Variants in ZC3H14 observed in about 807,000 individuals in gnomAD.
The protein encoded by ZC3H14 is zinc finger CCCH domain-containing protein 14.
Under a neutral mutation model 92.4 loss-of-function variants are expected in ZC3H14, and 31 were observed. The observed-to-expected ratio is 0.34, with a 90% CI of 0.25 to 0.45. The LOEUF (loss-of-function observed/expected upper bound fraction) is 0.45. Among genes scored for constraint, ZC3H14 ranks in the 20% least tolerant of loss-of-function variants. The probability of loss-of-function intolerance (pLI) is 1.00; values close to 1 mark genes in which losing one functional copy is unlikely to be tolerated. For missense variants in ZC3H14, 781 were observed against 897.3 expected (o/e 0.87, Z 1.66); for synonymous variants, 321 against 300.9 (o/e 1.07, Z -0.69).
At position 88,614,216 on chromosome 14, in the gene ZC3H14, TTTAA is replaced by T. The variant is rs2087252182; in HGVS notation, c.*2468_*2471del. 1 of 152,212 alleles carries T rather than the reference TTTAA, an allele frequency of 6.6e-6. No individual in the cohort carries two copies. The highest frequency in any genetic ancestry group is 2.4e-5 in the African/African-American group (1 of 41,456). 9.4% of individuals were successfully genotyped at this position (152,212 alleles called of 1,614,324 possible). ...GGTTGTTCAGGGATTTTTTTCCTCC[TTTAA>T]TTTATTGACTGACTGTAAATACATG... On this transcript the variant is annotated 3_prime_UTR_variant, in exon 17 of 17. Coordinates refer to ENST00000251038, the MANE Select transcript of ZC3H14 (RefSeq NM_024824.5).
chr14:88,602,004 G>T lies in ZC3H14; in HGVS notation c.1435G>T (p.Val479Leu). Residue 479 changes from valine to leucine, a missense_variant, in exon 11 of 17, where the codon GTA (valine) becomes TTA (leucine). Coordinates refer to ENST00000251038, the MANE Select transcript of ZC3H14 (RefSeq NM_024824.5). The part of the protein sequence containing the change: ...LKKPKLSEEV[V>L]VAPNQESGMK... ...GAAGCCAAAGCTGTCTGAGGAAGTA[G>T]TAGTGGCACCAAACCAAGAGTCGGG... The T allele has an allele frequency of 6.2e-7, 1 of 1,614,154 alleles. No homozygotes were observed. The highest frequency in any genetic ancestry group is 8.5e-7 in the Non-Finnish European group (1 of 1,180,006).
At position 88,618,721 on chromosome 14, in the gene ZC3H14, T is replaced by C. The variant is rs1371669743; in HGVS notation, c.*6970T>C. On this transcript the variant is annotated 3_prime_UTR_variant, in exon 17 of 17. Transcript: ENST00000251038. ...CTTGGAATGTCTTTGCAGTAGCTGATTCTGTTAAGAGTGGGGCCCAGCGTT... is the reference window on the plus strand; with the variant it reads ...CTTGGAATGTCTTTGCAGTAGCTGACTCTGTTAAGAGTGGGGCCCAGCGTT... The C allele has an allele frequency of 5.0e-6, 8 of 1,610,682 alleles. No individual in the cohort carries two copies. The highest frequency in any genetic ancestry group is 1.1e-5 in the South Asian group (1 of 90,232).
In ZC3H14 at chr14:88,622,585, A is replaced by T; in HGVS notation, c.*10834A>T. The T allele has an allele frequency of 6.4e-7, 1 of 1,565,732 alleles. No homozygotes were observed. Among genetic ancestry groups the T allele is most frequent in the Non-Finnish European group, 8.7e-7 (1 of 1,153,296 alleles). ...TTTCTGTTTTCTGCTGCACTGTATC[A>T]GCTCATGGAACATCTTACTTTGCCT... is the stretch of plus-strand genomic sequence containing the variant. On this transcript the variant is annotated 3_prime_UTR_variant, in exon 17 of 17. Transcript: ENST00000251038.
chr14:88,609,900 T>A, intron 15 of ZC3H14, 97 bp downstream of exon 15: 1 of 1,336,248 alleles, frequency 7.5e-7, no homozygotes, highest in Non-Finnish European at 1.1e-6. Context: ...GGTGCAAAAG[T>A]AATTGCGATT....
intron 10 of ZC3H14, among the ~76,000 whole-genome samples, chr14:88,600,738 C>T (rs751845766): frequency 2.6e-5 from 4 of 152,064 alleles, no homozygotes; most frequent in Non-Finnish European, 2.9e-5. Context: ...AGACATGAAC[C>T]GCCACACCAG....
At chr14:88,601,796 AAC>A in intron 10 of ZC3H14, 126 bp from the exon 11 acceptor site, 2 of 1,138,832 alleles carry the variant, frequency 1.8e-6, no homozygotes, top group Non-Finnish European at 2.5e-6. Context: ...TCCTGAGTGG[AAC>A]CAGTTGTGAT....
rs369598450 is a variant in ZC3H14, at chr14:88,583,735, A to G, written c.1279+5595A>G. On this transcript the variant is annotated intron_variant, in intron 9 of 16. Transcript: ENST00000251038. ...AATTGTTAACACTTGCTTAGTGCATAATCAAGTTTATGCATCTTCCACATG... is the reference window on the plus strand; with the variant it reads ...AATTGTTAACACTTGCTTAGTGCATGATCAAGTTTATGCATCTTCCACATG... Among the ~76,000 whole-genome samples the G allele has an allele frequency of 1.9e-4, 29 of 152,290 alleles. No homozygotes were observed. The East Asian group carries it at 2.7e-3, about 14-fold the overall frequency.
chr14:88,571,206 A>G, intron 4 of ZC3H14, 82 bp downstream of exon 4: 1 of 1,265,764 alleles, frequency 7.9e-7, no homozygotes, highest in Non-Finnish European at 1.1e-6. Context: ...GTGCTTTGGG[A>G]AAAACCCATC....
intron 13 of ZC3H14, 147 bp from the exon 14 acceptor site, chr14:88,609,120 T>A (rs1219769308): frequency 2.1e-6 from 2 of 932,774 alleles, no homozygotes; most frequent in Non-Finnish European, 3.2e-6. Context: ...TGATATATGG[T>A]CTTATTTTAA....
At position 88,618,230 on chromosome 14, in the gene ZC3H14, A is replaced by C. The variant is rs749277313; in HGVS notation, c.*6479A>C. 43 of 1,613,106 alleles carry C rather than the reference A, an allele frequency of 2.7e-5. No homozygotes were observed. The highest frequency in any genetic ancestry group is 3.6e-5 in the Non-Finnish European group (42 of 1,179,432). On this transcript the variant is annotated 3_prime_UTR_variant, in exon 17 of 17. Transcript: ENST00000251038. ...CTTGTGAATATATAAGTATTTACCT[A>C]GTCCATGTAGCCCAAGTAATTCTGT...
In ZC3H14 at chr14:88,616,005, T is replaced by A. The variant is rs1368158428; in HGVS notation, c.*4254T>A. ...CTGTATTTGCATAAATATGAGATTCTGAAGAGCCATCTGGTTATACTACCT... is the reference window on the plus strand; with the variant it reads ...CTGTATTTGCATAAATATGAGATTCAGAAGAGCCATCTGGTTATACTACCT... On this transcript the variant is annotated 3_prime_UTR_variant, in exon 17 of 17. Coordinates refer to ENST00000251038, the MANE Select transcript of ZC3H14 (RefSeq NM_024824.5). 15 of 1,267,410 alleles carry A rather than the reference T, an allele frequency of 1.2e-5. No individual in the cohort carries two copies. The highest frequency in any genetic ancestry group is 8.3e-5 in the Admixed American group (4 of 47,968). The allele number at this position is 1,267,410 out of a possible 1,614,324, so 78.5% of individuals were successfully genotyped here.
At chr14:88,565,613 GA>G (rs1228679541) in intron 2 of ZC3H14, among the ~76,000 whole-genome samples, 3 of 152,112 alleles carry the variant, frequency 2.0e-5, no homozygotes, top group African/African-American at 7.2e-5. Context: ...TGGGTCAGTG[GA>G]TTTTTGTGCA....
chr14:88,595,905 A>C, intron 9 of ZC3H14, among the ~76,000 whole-genome samples: 1 of 152,168 alleles, frequency 6.6e-6, no homozygotes, highest in East Asian at 1.9e-4. Flanking sequence ...GTAGTGCAGT[A>C]CCTTATAATG....
At chr14:88,589,044 G>A (rs555842382) in intron 9 of ZC3H14, among the ~76,000 whole-genome samples, 3 of 152,050 alleles carry the variant, frequency 2.0e-5, no homozygotes, top group African/African-American at 7.2e-5. Context: ...AATTAATGGA[G>A]TCAGAGTCAG....
At chr14:88,594,749 C>T (rs2083573969) in intron 9 of ZC3H14, 1 of 1,613,892 alleles carries the variant, frequency 6.2e-7, no homozygotes, top group African/African-American at 1.3e-5. Flanking sequence ...TCAAAGTTTC[C>T]ATCACCACCT....
chr14:88,606,846 A>G (rs953595382), intron 12 of ZC3H14, among the ~76,000 whole-genome samples: 1 of 151,514 alleles, frequency 6.6e-6, no homozygotes, highest in Non-Finnish European at 1.5e-5. Flanking sequence ...TGGGCCACTC[A>G]TCATCTTGCT....
intron 9 of ZC3H14, chr14:88,591,639 C>G (rs1305516428): frequency 6.6e-6 from 1 of 152,046 alleles, no homozygotes; most frequent in Non-Finnish European, 1.5e-5. Context: ...TGGAAAATCC[C>G]CCTGCTTTGC....
At position 88,602,977 on chromosome 14, in the gene ZC3H14, A is replaced by G. The variant is rs368610427; in HGVS notation, c.1664A>G (p.Lys555Arg). ...KPVNQTAASNKGLRGLLHPQQ... is the reference protein window; with the variant it reads ...KPVNQTAASNRGLRGLLHPQQ... The stretch of plus-strand genomic sequence containing the variant: ...GTAAACCAAACTGCAGCCTCAAACA[A>G]GGGACTCAGAGGTCTCCTCCACCCA... Residue 555 changes from lysine to arginine, a missense_variant, in exon 12 of 17, where the codon AAG becomes AGG. Physicochemically the swap from Lys to Arg is conservative, Grantham distance 26. Coordinates refer to ENST00000251038, the MANE Select transcript of ZC3H14 (RefSeq NM_024824.5). 2 of 1,614,068 alleles carry G rather than the reference A, an allele frequency of 1.2e-6. No individual in the cohort carries two copies. The highest frequency in any genetic ancestry group is 1.3e-5 in the African/African-American group (1 of 74,928).
In ZC3H14 at chr14:88,626,374, C is replaced by A. The variant is rs762526660; in HGVS notation, c.*14623C>A. On this transcript the variant is annotated 3_prime_UTR_variant, in exon 17 of 17. Coordinates refer to ENST00000251038, the MANE Select transcript of ZC3H14 (RefSeq NM_024824.5). ...TGGTGGCTCATGCCTGTAAACCCAG[C>A]ACTTTGGGAGGTCAAGATGGGAGGA... The A allele has an allele frequency of 1.3e-5, 2 of 158,460 alleles. No individual in the cohort carries two copies. Among genetic ancestry groups the A allele is most frequent in the African/African-American group, 2.4e-5 (1 of 41,494 alleles). The allele number at this position is 158,460 out of a possible 1,614,324, so 9.8% of individuals were successfully genotyped here.
Sources: allele counts gnomAD v4.1 joint callset (sites outside exome capture counted in the v4.1 genomes callset), GRCh38; gene constraint gnomAD v4.1.1; transcripts MANE v1.5; gene names NCBI Gene and HGNC (gene_info 2026-07-23, HGNC 2026-07-21).